Variants in DPYS observed in about 807,000 individuals in gnomAD.
DPYS encodes the protein dihydropyrimidine amidohydrolase.
In DPYS, 39 loss-of-function variants were observed where a neutral mutation model predicts 50.3. The ratio of observed to expected loss-of-function variants is 0.78; its 90% confidence interval spans 0.60 to 1.01. DPYS has a LOEUF of 1.01. DPYS is among the 50% of genes least tolerant of loss of function. The pLI is 0.00. For missense variants in DPYS, 659 were observed against 680.9 expected (o/e 0.97, Z 0.36); for synonymous variants, 245 against 250.7 (o/e 0.98, Z 0.22).
chr8:104,443,887 C>T (rs895029940), intron 4 of DPYS, among the ~76,000 whole-genome samples: 1 of 152,072 alleles, frequency 6.6e-6, no homozygotes, highest in Admixed American at 6.6e-5. Flanking sequence ...AGTGAGACTC[C>T]ATCACAAAAC....
chr8:104,383,579 T>A (rs1308327242), intron 8 of DPYS, among the ~76,000 whole-genome samples: 1 of 149,258 alleles, frequency 6.7e-6, no homozygotes, highest in Non-Finnish European at 1.5e-5. Flanking sequence ...TTGTGCTGCA[T>A]CATTTATCTG....
intron 8 of DPYS, among the ~76,000 whole-genome samples, chr8:104,386,851 C>T (rs1308554575): frequency 6.6e-6 from 1 of 152,060 alleles, no homozygotes; most frequent in Non-Finnish European, 1.5e-5. Context: ...TAGTCTTGAA[C>T]TCCTGACCTC....
chr8:104,387,600 G>A (rs1025104405), intron 8 of DPYS, among the ~76,000 whole-genome samples: 1 of 152,160 alleles, frequency 6.6e-6, no homozygotes, highest in Non-Finnish European at 1.5e-5. Flanking sequence ...ACAAACCTGG[G>A]TTTGAGTCCC....
chr8:104,410,419 T>C (rs1812135845), intron 7 of DPYS, among the ~76,000 whole-genome samples: 1 of 151,904 alleles, frequency 6.6e-6, no homozygotes. Flanking sequence ...GTAGAGATCC[T>C]AGGCCAACAC....
intron 1 of DPYS, among the ~76,000 whole-genome samples, chr8:104,456,981 G>A (rs1813947087): frequency 6.6e-6 from 1 of 152,080 alleles, no homozygotes; most frequent in African/African-American, 2.4e-5. Flanking sequence ...TATCCAAGAG[G>A]GATACATTCC....
At chr8:104,463,619 G>A (rs1814246453) in intron 1 of DPYS, among the ~76,000 whole-genome samples, 1 of 152,214 alleles carries the variant, frequency 6.6e-6, no homozygotes, top group African/African-American at 2.4e-5. Flanking sequence ...TTGTAAAAAA[G>A]TAGACAATGG....
chr8:104,444,458 T>C (rs1297482307), intron 3 of DPYS, 21 bp from the exon 4 acceptor site: 3 of 1,613,794 alleles, frequency 1.9e-6, no homozygotes, highest in African/African-American at 1.3e-5. Context: ...AGCAGGAATG[T>C]GTATATGTGC....
At chr8:104,415,696 G>A (rs1033777431) in intron 7 of DPYS, among the ~76,000 whole-genome samples, 11 of 151,726 alleles carry the variant, frequency 7.2e-5, no homozygotes, top group African/African-American at 2.4e-4. Context: ...CTGGAGGCTC[G>A]GGCTATCTTA....
At chr8:104,405,448 T>G (rs372935643) in intron 7 of DPYS, among the ~76,000 whole-genome samples, 12 of 152,220 alleles carry the variant, frequency 7.9e-5, no homozygotes, top group African/African-American at 2.9e-4. Context: ...CACTGGAATT[T>G]TAATAGTAAT....
At chr8:104,407,419 A>G (rs1036370713) in intron 7 of DPYS, among the ~76,000 whole-genome samples, 1 of 152,378 alleles carries the variant, frequency 6.6e-6, no homozygotes, top group Middle Eastern at 3.4e-3. Context: ...TTAGGGATAA[A>G]AACAGAACAG....
At chr8:104,459,697 CT>C (rs1226847624) in intron 1 of DPYS, among the ~76,000 whole-genome samples, 2 of 152,130 alleles carry the variant, frequency 1.3e-5, no homozygotes. Context: ...AAAGCAAAGC[CT>C]CCCCAAAGAC....
intron 4 of DPYS, among the ~76,000 whole-genome samples, chr8:104,442,883 G>C (rs573728865): frequency 6.6e-6 from 1 of 152,144 alleles, no homozygotes; most frequent in Non-Finnish European, 1.5e-5. Context: ...GCAACATGGC[G>C]AGACCCTGTC....
At chr8:104,430,777 C>T (rs1416389105) in intron 4 of DPYS, among the ~76,000 whole-genome samples, 2 of 152,162 alleles carry the variant, frequency 1.3e-5, no homozygotes, top group African/African-American at 4.8e-5. Context: ...AGCCTAAGAA[C>T]TTCAATTCTT....
At chr8:104,393,862 T>A (rs546222655) in intron 7 of DPYS, among the ~76,000 whole-genome samples, 1 of 152,242 alleles carries the variant, frequency 6.6e-6, no homozygotes, top group Non-Finnish European at 1.5e-5. Context: ...GTTACGTGAG[T>A]AAGTTCTTTA....
chr8:104,421,556 C>T (rs963530389), intron 7 of DPYS: 1 of 152,170 alleles, frequency 6.6e-6, no homozygotes, highest in Non-Finnish European at 1.5e-5. Flanking sequence ...ATGGCGTGAA[C>T]CTGGGAGGCG....
intron 4 of DPYS, among the ~76,000 whole-genome samples, chr8:104,435,131 C>T (rs1813092623): frequency 6.6e-6 from 1 of 152,154 alleles, no homozygotes; most frequent in East Asian, 1.9e-4. Flanking sequence ...CATATGCCAA[C>T]ACTGTGGCAG....
intron 1 of DPYS, among the ~76,000 whole-genome samples, chr8:104,466,000 A>T (rs550085744): frequency 6.6e-6 from 1 of 150,828 alleles, no homozygotes; most frequent in Non-Finnish European, 1.5e-5. Context: ...GAGTGTTGCG[A>T]GATCATTTCT....
chr8:104,444,568 G>C (rs1813467393), intron 3 of DPYS, 131 bp from the exon 4 acceptor site: 2 of 860,086 alleles, frequency 2.3e-6, no homozygotes, highest in Non-Finnish European at 3.7e-6. Flanking sequence ...GTGTGTCTGT[G>C]TGTGTGTGTA....
chr8:104,395,681 C>T (rs529199882), intron 7 of DPYS, among the ~76,000 whole-genome samples: 12 of 152,148 alleles, frequency 7.9e-5, no homozygotes, highest in Non-Finnish European at 1.5e-4. Context: ...TACCGCAGTG[C>T]TATACATTCA....
Sources: allele counts gnomAD v4.1 joint callset (sites outside exome capture counted in the v4.1 genomes callset), GRCh38; gene constraint gnomAD v4.1.1; transcripts MANE v1.5; gene names NCBI Gene and HGNC (gene_info 2026-07-23, HGNC 2026-07-21).